ASCC3: variants seen among roughly 807,000 people sequenced by gnomAD.
The protein encoded by ASCC3 is activating signal cointegrator 1 complex subunit 3.
In ASCC3, 158 loss-of-function variants were observed where a neutral mutation model predicts 256.3. That is an observed-to-expected ratio of 0.62 (90% CI 0.54 to 0.70). The LOEUF is 0.70. Ranked by LOEUF, ASCC3 falls within the 30% of genes least tolerant of loss-of-function variation. The pLI, the probability that ASCC3 is intolerant of heterozygous loss-of-function variation, is 0.00. For missense variants in ASCC3, 2,259 were observed against 2,626.0 expected, an observed-to-expected ratio of 0.86 and a Z score of 3.05; for synonymous variants, 948 against 883.4, an observed-to-expected ratio of 1.07 and a Z score of -1.30.
chr6:100,809,111 T>C (rs1398307355), intron 4 of ASCC3, among the ~76,000 whole-genome samples: 1 of 151,994 alleles, frequency 6.6e-6, no homozygotes, highest in Non-Finnish European at 1.5e-5. Context: ...GCCTAGGATG[T>C]TAATGTACTA....
At position 100,657,515 on chromosome 6, in the gene ASCC3, T is replaced by C. The variant is rs1271124023; in HGVS notation, c.2704-1697A>G. Among the ~76,000 whole-genome samples, 2 of 151,558 alleles carry C rather than the reference T, an allele frequency of 1.3e-5. 1 individual carries two copies. Among genetic ancestry groups the C allele is most frequent in the Admixed American group, 1.3e-4 (2 of 15,184 alleles). ...CAAATTGTATTAAACCATAGACATA[T>C]GACCTATATTCCCATCATGACTTTA... On this transcript the variant is annotated intron_variant, in intron 16 of 41. Coordinates refer to ENST00000369162, the MANE Select transcript of ASCC3 (RefSeq NM_006828.4).
chr6:100,518,192 C>T (rs745565292), intron 37 of ASCC3, 50 bp from the exon 38 acceptor site: 8 of 1,598,668 alleles, frequency 5.0e-6, no homozygotes, highest in South Asian at 1.1e-5. Flanking sequence ...TGGTACTTGC[C>T]CCCTCCACTG....
intron 34 of ASCC3, among the ~76,000 whole-genome samples, chr6:100,597,808 T>TG (rs1465794950): frequency 1.4e-5 from 1 of 71,230 alleles, no homozygotes; most frequent in Non-Finnish European, 2.6e-5. Flanking sequence ...CCGTCTCTAC[T>TG]GAAAAAAAAA....
At chr6:100,584,755 A>G (rs1771550026) in intron 36 of ASCC3, among the ~76,000 whole-genome samples, 1 of 151,930 alleles carries the variant, frequency 6.6e-6, no homozygotes, top group Non-Finnish European at 1.5e-5. Flanking sequence ...TGCTTCCTTC[A>G]GGAGCTCTTG....
intron 35 of ASCC3, 52 bp downstream of exon 35, chr6:100,589,896 G>GT (rs1771911242): frequency 6.3e-7 from 1 of 1,591,540 alleles, no homozygotes; most frequent in African/African-American, 1.3e-5. Flanking sequence ...CAAAAGACCT[G>GT]TCAAAAAGCT....
At chr6:100,688,165 T>C (rs946439943) in intron 13 of ASCC3, among the ~76,000 whole-genome samples, 1 of 151,124 alleles carries the variant, frequency 6.6e-6, no homozygotes, top group East Asian at 1.9e-4. Flanking sequence ...CTTGAAGAAA[T>C]ATTTTTAAAA....
intron 1 of ASCC3, among the ~76,000 whole-genome samples, chr6:100,871,417 C>T (rs539763552): frequency 6.6e-6 from 1 of 151,932 alleles, no homozygotes; most frequent in African/African-American, 2.4e-5. Context: ...CTTAAATCAC[C>T]GCTTAATTTT....
At chr6:100,835,430 C>T (rs1771827963) in intron 4 of ASCC3, among the ~76,000 whole-genome samples, 1 of 152,054 alleles carries the variant, frequency 6.6e-6, no homozygotes, top group Non-Finnish European at 1.5e-5. Context: ...AGTCATTACA[C>T]TATTTTGAGT....
At chr6:100,682,957 C>G (rs1444963949) in intron 13 of ASCC3, among the ~76,000 whole-genome samples, 1 of 151,968 alleles carries the variant, frequency 6.6e-6, no homozygotes, top group East Asian at 1.9e-4. Context: ...AGGGAGGGGT[C>G]TAGAAATTGA....
At chr6:100,685,699 C>T (rs1477637125) in intron 13 of ASCC3, among the ~76,000 whole-genome samples, 1 of 152,196 alleles carries the variant, frequency 6.6e-6, no homozygotes, top group Non-Finnish European at 1.5e-5. Flanking sequence ...AATGCCACTA[C>T]AGATATATTT....
intron 30 of ASCC3, among the ~76,000 whole-genome samples, chr6:100,607,491 A>C (rs573633403): frequency 1.3e-5 from 2 of 152,158 alleles, no homozygotes; most frequent in Admixed American, 1.3e-4. Context: ...TGGAAAAAAA[A>C]AATCAGCCAT....
At chr6:100,794,259 C>A (rs1376397677) in intron 8 of ASCC3, among the ~76,000 whole-genome samples, 2 of 152,022 alleles carry the variant, frequency 1.3e-5, no homozygotes, top group Non-Finnish European at 2.9e-5. Flanking sequence ...AACCTCTTAG[C>A]ATGGTTTTCA....
intron 39 of ASCC3, 105 bp downstream of exon 39, chr6:100,516,075 A>G: frequency 7.4e-7 from 1 of 1,360,510 alleles, no homozygotes; most frequent in Non-Finnish European, 1.1e-6. Context: ...AGACAATTTA[A>G]CTCAAGGTGA....
chr6:100,537,137 A>G (rs1775200451), intron 37 of ASCC3, among the ~76,000 whole-genome samples: 1 of 152,158 alleles, frequency 6.6e-6, no homozygotes, highest in Non-Finnish European at 1.5e-5. Flanking sequence ...ACAAAAGAAA[A>G]AGTAACTCTA....
intron 36 of ASCC3, among the ~76,000 whole-genome samples, chr6:100,581,421 G>C (rs2114748465): frequency 6.6e-6 from 1 of 152,058 alleles, no homozygotes; most frequent in Non-Finnish European, 1.5e-5. Context: ...CCCACTTTTT[G>C]ATGGGGTTGT....
At chr6:100,720,686 T>G (rs938591238) in intron 11 of ASCC3, among the ~76,000 whole-genome samples, 1 of 151,654 alleles carries the variant, frequency 6.6e-6, no homozygotes, top group Non-Finnish European at 1.5e-5. Flanking sequence ...GCTAAACAAT[T>G]TGACCATTTT....
At chr6:100,767,899 A>T (rs1280150727) in intron 8 of ASCC3, among the ~76,000 whole-genome samples, 1 of 152,082 alleles carries the variant, frequency 6.6e-6, no homozygotes, top group Non-Finnish European at 1.5e-5. Context: ...TACAGGCGTG[A>T]GCCACCGCAC....
chr6:100,515,380 T>A (rs979875633), intron 39 of ASCC3, among the ~76,000 whole-genome samples: 1 of 152,150 alleles, frequency 6.6e-6, no homozygotes, highest in Admixed American at 6.5e-5. Flanking sequence ...CAAAAATAAG[T>A]TCCACTTGGA....
At chr6:100,676,693 G>C (rs569454031) in intron 14 of ASCC3, among the ~76,000 whole-genome samples, 1 of 152,292 alleles carries the variant, frequency 6.6e-6, no homozygotes, top group South Asian at 2.1e-4. Flanking sequence ...TTCAGTTGCA[G>C]CTAAGGCATA....
Sources: allele counts gnomAD v4.1 joint callset (sites outside exome capture counted in the v4.1 genomes callset), GRCh38; gene constraint gnomAD v4.1.1; transcripts MANE v1.5; gene names NCBI Gene and HGNC (gene_info 2026-07-23, HGNC 2026-07-21).